Variants in KIAA1671 observed in about 807,000 individuals in gnomAD.
The protein encoded by KIAA1671 is uncharacterized protein KIAA1671.
A neutral mutation model predicts 131.2 loss-of-function variants in KIAA1671; 52 were observed. The observed-to-expected ratio is 0.40, with a 90% CI of 0.32 to 0.50. The LOEUF is 0.50. Ranked by LOEUF, KIAA1671 falls within the 20% of genes least tolerant of loss-of-function variation. The probability of loss-of-function intolerance (pLI) is 0.73; values close to 1 mark genes in which losing one functional copy is unlikely to be tolerated. For synonymous variants in KIAA1671, 1,003 were observed against 961.6 expected (o/e 1.04, Z -0.80); for missense variants, 2,360 against 2,364.2 (o/e 1.00, Z 0.04).
intron 1 of KIAA1671, among the ~76,000 whole-genome samples, chr22:24,962,353 G>C (rs967106204): frequency 2.0e-5 from 3 of 152,172 alleles, no homozygotes; most frequent in African/African-American, 7.2e-5. Flanking sequence ...GAAATGCTTG[G>C]CATGAGGTAG....
chr22:24,956,694 G>C (rs574186119), intron 1 of KIAA1671, among the ~76,000 whole-genome samples: 22 of 152,140 alleles, frequency 1.4e-4, no homozygotes, highest in African/African-American at 4.8e-4. Flanking sequence ...GTGAAACCCC[G>C]TGTCTACTAA....
chr22:25,133,088 A>G (rs777776431), intron 6 of KIAA1671, among the ~76,000 whole-genome samples: 1 of 151,910 alleles, frequency 6.6e-6, no homozygotes, highest in African/African-American at 2.4e-5. Context: ...ACCAGAGACA[A>G]TATATTTAAG....
intron 1 of KIAA1671, among the ~76,000 whole-genome samples, chr22:24,961,565 C>T (rs931963220): frequency 3.9e-5 from 6 of 152,216 alleles, no homozygotes; most frequent in African/African-American, 1.4e-4. Flanking sequence ...AGGTCTGGCT[C>T]GTGAATCTTC....
At chr22:25,132,746 T>C in intron 6 of KIAA1671, among the ~76,000 whole-genome samples, 1 of 152,142 alleles carries the variant, frequency 6.6e-6, no homozygotes, top group South Asian at 2.1e-4. Flanking sequence ...CCCAGAGTTC[T>C]TCATGGAAGC....
At position 25,040,018 on chromosome 22, in the gene KIAA1671, C is replaced by A. The variant is rs1002361877; in HGVS notation, c.2888C>A (p.Ser963Tyr). Reference protein sequence around the residue: ...PPNVKFDTFSSLVPEDSPHVG... With the variant: ...PPNVKFDTFSYLVPEDSPHVG... ...AACGTGAAATTTGATACATTCAGTTCTCTTGTCCCAGAGGACTCTCCACAT... is the reference window on the plus strand; with the variant it reads ...AACGTGAAATTTGATACATTCAGTTATCTTGTCCCAGAGGACTCTCCACAT... Residue 963 changes from serine (S) to tyrosine (Y), a missense_variant, in exon 5 of 13, where the codon TCT becomes TAT. By Grantham distance (144) the Ser-to-Tyr change is moderately radical. Around this residue, in one of 3 missense-constraint regions of KIAA1671, gnomAD observed 1,161 missense variants for 1,204.7 expected, o/e 0.96. Transcript: ENST00000358431. 195 of 1,551,562 alleles carry A rather than the reference C, an allele frequency of 1.3e-4. No individual in the cohort carries two copies. The highest frequency in any genetic ancestry group is 1.7e-4 in the Middle Eastern group (1 of 6,014).
chr22:25,165,271 T>A (rs188091678), intron 6 of KIAA1671, among the ~76,000 whole-genome samples: 92 of 152,342 alleles, frequency 6.0e-4, no homozygotes, highest in African/African-American at 2.1e-3. Flanking sequence ...GAGCAGAGAA[T>A]GCAGTTATAT....
Position 25,041,048 on chromosome 22 carries a change from A to G in KIAA1671, c.3918A>G (p.Glu1306=). 6.6e-7 allele frequency: 1 copy of G among 1,509,980 alleles called. No individual in the cohort carries two copies. Among genetic ancestry groups the G allele is most frequent in the Non-Finnish European group, 8.9e-7 (1 of 1,127,910 alleles). 93.5% of individuals were successfully genotyped at this position (1,509,980 alleles called of 1,614,324 possible). Residue 1306 remains glutamate (E), a synonymous_variant, in exon 5 of 13, where the codon GAA becomes GAG. Coordinates refer to ENST00000358431, the MANE Select transcript of KIAA1671 (RefSeq NM_001145206.2). ...FWALPPSAPS[E]RYPGGSPIPA... ...CTCTGCCACCCTCGGCTCCTTCTGA[A>G]AGGTATCCAGGGGGCTCTCCTATAC... is the stretch of plus-strand genomic sequence containing the variant.
At chr22:25,115,600 C>A (rs1451688457) in intron 6 of KIAA1671, among the ~76,000 whole-genome samples, 3 of 152,078 alleles carry the variant, frequency 2.0e-5, no homozygotes, top group Non-Finnish European at 4.4e-5. Flanking sequence ...GGGGCTCAGA[C>A]TGTAATGTGA....
At chr22:25,046,378 G>T (rs1602096200) in intron 5 of KIAA1671, among the ~76,000 whole-genome samples, 1 of 89,174 alleles carries the variant, frequency 1.1e-5, no homozygotes. Flanking sequence ...CAGCCCAAAA[G>T]GGTGTGATGG....
rs538870078 is a variant in KIAA1671 at position 24,972,139 on chromosome 22, G to A, written c.-208+19367G>A. Among the ~76,000 whole-genome samples, 37 of 152,258 alleles carry A rather than the reference G, an allele frequency of 2.4e-4. 1 individual carries two copies. The highest frequency in any genetic ancestry group is 2.2e-3 in the Admixed American group (34 of 15,282). ...TGAAGGAAAAATGGGTAGGTAGGCA[G>A]GCAGACCAACATTATGCAAAATGTT... On this transcript the variant is annotated intron_variant, in intron 1 of 12. Transcript: ENST00000358431.
intron 6 of KIAA1671, chr22:25,060,809 A>C (rs1928117163): frequency 6.9e-6 from 1 of 145,170 alleles, no homozygotes; most frequent in Non-Finnish European, 1.5e-5. Context: ...GGTAGGATGG[A>C]GACGGTCTAT....
rs1331108868 is a variant in KIAA1671, at chr22:25,197,176, A to G, written c.*4775A>G. ...GACGAGAGGCACTTTATCCAGTCCC[A>G]GAAAGAATCTCTAACCGTGTGACTG... On this transcript the variant is annotated 3_prime_UTR_variant, in exon 13 of 13. Coordinates refer to ENST00000358431, the MANE Select transcript of KIAA1671 (RefSeq NM_001145206.2). 1 of 152,232 alleles carries G rather than the reference A, an allele frequency of 6.6e-6. No individual in the cohort carries two copies. Among genetic ancestry groups the G allele is most frequent in the Non-Finnish European group, 1.5e-5 (1 of 68,048 alleles). The allele number at this position is 152,232 out of a possible 1,614,324, so 9.4% of individuals were successfully genotyped here.
intron 6 of KIAA1671, among the ~76,000 whole-genome samples, chr22:25,117,023 A>C (rs1931700338): frequency 6.6e-6 from 1 of 152,154 alleles, no homozygotes; most frequent in Non-Finnish European, 1.5e-5. Context: ...GAGTCTGTGC[A>C]TTGTAAGCTT....
intron 1 of KIAA1671, among the ~76,000 whole-genome samples, chr22:25,025,293 C>G (rs974467000): frequency 1.3e-5 from 2 of 152,056 alleles, no homozygotes; most frequent in Admixed American, 1.3e-4. Flanking sequence ...ACATTTGTTA[C>G]CCAGTTGTAA....
rs187229174 is a variant in KIAA1671 at position 24,991,672 on chromosome 22, A to C, written c.-207-33961A>C. On this transcript the variant is annotated intron_variant, in intron 1 of 12. Transcript: ENST00000358431. ...GAGACAGGGTTTTACCGTGTTAGCC[A>C]GGATGGTCACGATCTCCTGACCTCG... Among the ~76,000 whole-genome samples the C allele has an allele frequency of 3.5e-5, 5 of 142,506 alleles. No homozygotes were observed. The East Asian group carries it at 1.1e-3, about 30-fold the overall frequency. The allele number at this position is 142,506 out of a possible 152,430, so 93.5% of individuals were successfully genotyped here.
intron 6 of KIAA1671, among the ~76,000 whole-genome samples, chr22:25,111,303 G>C (rs1449385602): frequency 6.6e-6 from 1 of 152,234 alleles, no homozygotes; most frequent in Non-Finnish European, 1.5e-5. Context: ...AGGGCACAGG[G>C]GTGGGTAGGC....
intron 6 of KIAA1671, among the ~76,000 whole-genome samples, chr22:25,076,619 G>T (rs1376788230): frequency 6.6e-6 from 1 of 152,194 alleles, no homozygotes; most frequent in East Asian, 1.9e-4. Context: ...ACAGCCTCTG[G>T]TGTGGCTGTT....
At chr22:25,116,145 C>T (rs1422603572) in intron 6 of KIAA1671, among the ~76,000 whole-genome samples, 1 of 152,156 alleles carries the variant, frequency 6.6e-6, no homozygotes, top group Non-Finnish European at 1.5e-5. Flanking sequence ...GTGGCACGAT[C>T]ATAGCTCACC....
intron 1 of KIAA1671, among the ~76,000 whole-genome samples, chr22:25,001,964 T>G (rs1924501285): frequency 6.6e-6 from 1 of 152,134 alleles, no homozygotes; most frequent in Admixed American, 6.6e-5. Flanking sequence ...AGTCCACACA[T>G]TTATATACAT....
Sources: allele counts gnomAD v4.1 joint callset (sites outside exome capture counted in the v4.1 genomes callset), GRCh38; gene constraint gnomAD v4.1.1; regional missense constraint gnomAD v4.1.1; transcripts MANE v1.5; gene names NCBI Gene and HGNC (gene_info 2026-07-23, HGNC 2026-07-21).